The following DLG2 variants were observed in gnomAD, a reference collection of about 807,000 sequenced individuals.
DLG2 encodes the protein discs large MAGUK scaffold protein 2.
DLG2 carries 45 observed loss-of-function variants against 132.5 expected under a neutral mutation model. That is an observed-to-expected ratio of 0.34 (90% confidence interval 0.27 to 0.44). The LOEUF is 0.44. Ranked by LOEUF, DLG2 falls within the 20% of genes least tolerant of loss-of-function variation. The pLI is 1.00. For missense variants in DLG2, 1,045 were observed against 1,196.9 expected (o/e 0.87, Z 1.87); for synonymous variants, 424 against 419.6 (o/e 1.01, Z -0.13).
chr11:85,442,110 C>T (rs1484699035), intron 3 of DLG2, among the ~76,000 whole-genome samples: 1 of 151,956 alleles, frequency 6.6e-6, no homozygotes, highest in Admixed American at 6.6e-5. Context: ...AGTCGGAAAG[C>T]TCCATAGAGA....
chr11:84,214,240 AAT>A (rs1302549512), intron 8 of DLG2, among the ~76,000 whole-genome samples: 23 of 129,336 alleles, frequency 1.8e-4, no homozygotes, highest in Admixed American at 4.3e-4. Flanking sequence ...CATATATATG[AAT>A]ATATATATAC....
chr11:85,026,595 T>C (rs1238708704), intron 6 of DLG2, among the ~76,000 whole-genome samples: 1 of 152,100 alleles, frequency 6.6e-6, no homozygotes, highest in East Asian at 1.9e-4. Flanking sequence ...CCCAGCACTT[T>C]AGGAGGCCGA....
chr11:83,743,595 A>G (rs1304543890), intron 18 of DLG2, among the ~76,000 whole-genome samples: 3 of 151,754 alleles, frequency 2.0e-5, no homozygotes, highest in Admixed American at 6.6e-5. Flanking sequence ...CAACACACCC[A>G]GCTAATTTTT....
chr11:84,117,489 T>G (rs2093689738), intron 9 of DLG2, among the ~76,000 whole-genome samples: 1 of 152,232 alleles, frequency 6.6e-6, no homozygotes, highest in Non-Finnish European at 1.5e-5. Context: ...TCCCAACTCC[T>G]ACTTATAGAT....
chr11:84,514,372 T>G (rs1345224475), intron 7 of DLG2, among the ~76,000 whole-genome samples: 1 of 151,992 alleles, frequency 6.6e-6, no homozygotes, highest in Non-Finnish European at 1.5e-5. Flanking sequence ...AATCAGTATA[T>G]CAAAGGAACA....
intron 6 of DLG2, among the ~76,000 whole-genome samples, chr11:84,564,719 C>A (rs752229769): frequency 2.0e-5 from 3 of 152,102 alleles, no homozygotes; most frequent in East Asian, 1.9e-4. Context: ...TTAAATATTA[C>A]CTAAGGTGTC....
At chr11:85,236,453 T>C (rs2075590908) in intron 4 of DLG2, among the ~76,000 whole-genome samples, 1 of 151,988 alleles carries the variant, frequency 6.6e-6, no homozygotes, top group African/African-American at 2.4e-5. Context: ...CCTCTCTCTA[T>C]GCAAGGCACC....
At chr11:83,461,303 C>G (rs924791158) in intron 27 of DLG2, among the ~76,000 whole-genome samples, 1 of 151,580 alleles carries the variant, frequency 6.6e-6, no homozygotes, top group Admixed American at 6.6e-5. Flanking sequence ...AAGCCCAGCT[C>G]GAAAGTTCTT....
intron 7 of DLG2, among the ~76,000 whole-genome samples, chr11:84,264,174 C>A (rs2097582855): frequency 6.6e-6 from 1 of 152,090 alleles, no homozygotes; most frequent in African/African-American, 2.4e-5. Context: ...TTTGCTGATG[C>A]CAAAGAATAT....
chr11:85,394,989 T>C (rs778777698), intron 3 of DLG2, among the ~76,000 whole-genome samples: 1 of 152,170 alleles, frequency 6.6e-6, no homozygotes, highest in East Asian at 1.9e-4. Flanking sequence ...GCCCTGGGCC[T>C]AAGGAGTAGT....
At chr11:85,475,916 T>C (rs933259469) in intron 3 of DLG2, among the ~76,000 whole-genome samples, 1 of 152,112 alleles carries the variant, frequency 6.6e-6, no homozygotes, top group African/African-American at 2.4e-5. Flanking sequence ...TAGGGGGAAA[T>C]CTTAGCAAAC....
intron 6 of DLG2, among the ~76,000 whole-genome samples, chr11:85,042,710 A>G (rs1256401007): frequency 6.6e-6 from 1 of 151,916 alleles, no homozygotes; most frequent in Non-Finnish European, 1.5e-5. Flanking sequence ...ACACTCTCAT[A>G]AGAAATCTGT....
chr11:84,952,776 G>T (rs558620937), intron 6 of DLG2, among the ~76,000 whole-genome samples: 1 of 152,234 alleles, frequency 6.6e-6, no homozygotes, highest in Admixed American at 6.5e-5. Context: ...GAACTACATT[G>T]CTGAAAGGGT....
intron 6 of DLG2, among the ~76,000 whole-genome samples, chr11:84,993,853 A>G (rs939099332): frequency 6.6e-6 from 1 of 152,104 alleles, no homozygotes; most frequent in African/African-American, 2.4e-5. Context: ...CAGAATATCT[A>G]TCAGTGTACG....
At chr11:83,582,377 T>C (rs560632348) in intron 19 of DLG2, among the ~76,000 whole-genome samples, 1 of 152,330 alleles carries the variant, frequency 6.6e-6, no homozygotes, top group East Asian at 1.9e-4. Flanking sequence ...ACTTTTCCAA[T>C]TCAAGGATGG....
Position 85,271,551 on chromosome 11 carries a change from C to G in DLG2, c.186+13669G>C, listed in dbSNP as rs138591473. Among the ~76,000 whole-genome samples, 831 of 152,320 alleles carry G rather than the reference C, an allele frequency of 5.5e-3. 8 individuals are homozygous for G. Among genetic ancestry groups the G allele is most frequent in the African/African-American group, 0.019 (780 of 41,562 alleles). ...CGTGCACCCAGAAAAGCCACAGACA[C>G]TCAATGCCAGCACAGGAAAGCAGCC... On this transcript the variant is annotated intron_variant, in intron 4 of 27. Coordinates refer to ENST00000376104, the MANE Select transcript of DLG2 (RefSeq NM_001142699.3).
intron 19 of DLG2, among the ~76,000 whole-genome samples, chr11:83,546,712 C>T (rs6592122): frequency 0.66 from 100,020 of 151,900 alleles, 33,439 homozygotes; most frequent in Middle Eastern, 0.75. Flanking sequence ...TCTTGGAATT[C>T]CTGATAAGAA....
At chr11:84,050,857 G>T (rs1016753736) in intron 11 of DLG2, among the ~76,000 whole-genome samples, 1 of 151,954 alleles carries the variant, frequency 6.6e-6, no homozygotes, top group Non-Finnish European at 1.5e-5. Context: ...TGAGGGCTCT[G>T]TTCTGTTGCA....
At chr11:85,371,162 A>G (rs183559216) in intron 3 of DLG2, among the ~76,000 whole-genome samples, 4 of 152,320 alleles carry the variant, frequency 2.6e-5, no homozygotes, top group South Asian at 2.1e-4. Flanking sequence ...ATATTGTGAC[A>G]TTGGAATACA....
Sources: allele counts gnomAD v4.1 joint callset (sites outside exome capture counted in the v4.1 genomes callset), GRCh38; gene constraint gnomAD v4.1.1; transcripts MANE v1.5; gene names NCBI Gene and HGNC (gene_info 2026-07-23, HGNC 2026-07-21).